The following USH2A variants were observed in gnomAD, a reference collection of about 807,000 sequenced individuals.
USH2A encodes Usher syndrome 2A (autosomal recessive, mild).
Under a neutral mutation model 538.9 loss-of-function variants are expected in USH2A, and 443 were observed. That is an observed-to-expected ratio of 0.82 (90% CI 0.76 to 0.89). The LOEUF (loss-of-function observed/expected upper bound fraction) is 0.89, where lower values mean the gene tolerates loss of function less well. Ranked by LOEUF, USH2A falls within the 40% of genes least tolerant of loss-of-function variation. The probability of loss-of-function intolerance (pLI) is 0.00; values close to 1 mark genes in which losing one functional copy is unlikely to be tolerated. For missense variants in USH2A, 6,633 were observed against 6,324.8 expected (o/e 1.05, Z -1.65); for synonymous variants, 2,413 against 2,273.5 (o/e 1.06, Z -1.75).
intron 21 of USH2A, among the ~76,000 whole-genome samples, chr1:216,145,305 G>A (rs1417335419): frequency 6.6e-6 from 1 of 152,158 alleles, no homozygotes; most frequent in African/African-American, 2.4e-5. Context: ...GTACAGCAAG[G>A]GCCAAGGTAC....
intron 55 of USH2A, among the ~76,000 whole-genome samples, chr1:215,777,793 T>A (rs554174225): frequency 6.6e-6 from 1 of 152,350 alleles, no homozygotes; most frequent in South Asian, 2.1e-4. Context: ...AGTGAATGCC[T>A]TGGATACGCT....
intron 30 of USH2A, among the ~76,000 whole-genome samples, chr1:216,050,604 C>CTTT (rs746265112): frequency 1.2e-4 from 8 of 68,562 alleles, no homozygotes; most frequent in East Asian, 5.2e-4. Flanking sequence ...TTCTTTCTTT[C>CTTT]TTTTTTTTTT....
chr1:215,911,496 A>G (rs1203823573), intron 38 of USH2A, among the ~76,000 whole-genome samples: 1 of 152,006 alleles, frequency 6.6e-6, no homozygotes, highest in Admixed American at 6.6e-5. Context: ...CTAATGTAAT[A>G]ATCTCCAGTT....
intron 32 of USH2A, among the ~76,000 whole-genome samples, chr1:216,029,990 C>CACAG (rs1558220335): frequency 1.2e-4 from 18 of 144,506 alleles, no homozygotes; most frequent in Non-Finnish European, 4.5e-5. Flanking sequence ...ATAGATATAT[C>CACAG]ATAGATATAT....
intron 44 of USH2A, among the ~76,000 whole-genome samples, chr1:215,864,327 TATAAA>T (rs1366236843): frequency 6.6e-6 from 1 of 152,186 alleles, no homozygotes; most frequent in Admixed American, 6.5e-5. Context: ...CTGAGGATTG[TATAAA>T]TAATTTAAGT....
intron 21 of USH2A, among the ~76,000 whole-genome samples, chr1:216,122,032 A>G (rs1471166278): frequency 6.6e-6 from 1 of 152,192 alleles, no homozygotes; most frequent in Non-Finnish European, 1.5e-5. Flanking sequence ...CACAAAAAGG[A>G]CCGCAAACAC....
rs532951268 is a variant in USH2A, at chr1:215,629,258, C to CTAA, written c.15298-226_15298-224dup. Among the ~76,000 whole-genome samples the CTAA allele has an allele frequency of 2.1e-4, 32 of 152,226 alleles. No homozygotes were observed. The South Asian group carries it at 6.6e-3, about 32-fold the overall frequency. On this transcript the variant is annotated intron_variant, in intron 70 of 71. Coordinates refer to ENST00000307340, the MANE Select transcript of USH2A (RefSeq NM_206933.4). Reference sequence around the variant, plus strand: ...TTGGTAAGAAGGATGAGATGATGAGCTAATACTCAAGTTAGGTGGCCAGTG... The same window carrying CTAA: ...TTGGTAAGAAGGATGAGATGATGAGCTAATAATACTCAAGTTAGGTGGCCAGTG...
chr1:216,094,798 TTG>T (rs755169969), intron 22 of USH2A, among the ~76,000 whole-genome samples: 26 of 152,184 alleles, frequency 1.7e-4, no homozygotes, highest in Non-Finnish European at 3.8e-4. Flanking sequence ...GCTCAATTGC[TTG>T]TGTTTATAAC....
chr1:215,703,548 C>T (rs543921954), intron 61 of USH2A, among the ~76,000 whole-genome samples: 18 of 152,280 alleles, frequency 1.2e-4, no homozygotes, highest in East Asian at 7.7e-4. Context: ...CTGGCTACAG[C>T]GGCTTTGCGG....
intron 3 of USH2A, among the ~76,000 whole-genome samples, chr1:216,375,916 GGAACAAGTCAGAAGAACA>G (rs1396735101): frequency 6.6e-6 from 1 of 152,044 alleles, no homozygotes; most frequent in East Asian, 1.9e-4. Context: ...CCAAGGAGAA[GGAACAAGTCAGAAGAACA>G]TTCTGTCGGT....
intron 32 of USH2A, among the ~76,000 whole-genome samples, chr1:216,008,344 A>C (rs917410327): frequency 6.6e-6 from 1 of 151,536 alleles, no homozygotes; most frequent in African/African-American, 2.4e-5. Flanking sequence ...CCCACTGAGT[A>C]CCTTGTGACC....
intron 2 of USH2A, among the ~76,000 whole-genome samples, chr1:216,421,245 T>G (rs1005529092): frequency 1.3e-5 from 2 of 152,140 alleles, no homozygotes; most frequent in African/African-American, 4.8e-5. Context: ...CACACTTACC[T>G]ACATATTTCC....
intron 4 of USH2A, among the ~76,000 whole-genome samples, chr1:216,336,639 C>A (rs2102672400): frequency 6.6e-6 from 1 of 151,494 alleles, no homozygotes; most frequent in East Asian, 1.9e-4. Context: ...TGTATTTTAA[C>A]TAAGTGGCAA....
In USH2A at chr1:215,630,526, AT is replaced by A. The variant is rs1189307103; in HGVS notation, c.15298-1492del. Among the ~76,000 whole-genome samples, 831 of 122,080 alleles carry A rather than the reference AT, an allele frequency of 6.8e-3. 5 individuals carry two copies. Among genetic ancestry groups the A allele is most frequent in the African/African-American group, 0.026 (737 of 28,524 alleles). 80.1% of individuals were successfully genotyped at this position (122,080 alleles called of 152,430 possible). A position where few individuals can be genotyped will look rare whatever the true frequency, so the allele number is the denominator to read the frequency against. ...TATATATATATATATATATATATAT[AT>A]GAGAGAGAGAAAGTTGGGTTTTGCA... On this transcript the variant is annotated intron_variant, in intron 70 of 71. Transcript: ENST00000307340.
chr1:216,009,760 C>A lies in USH2A; in HGVS notation c.6326-9198G>T, dbSNP rs1668498687. ...CCTCCACCCTATAATCCTTTTATCA[C>A]CTCCCCTCCTTACACCCAGTCCGGC... is the stretch of plus-strand genomic sequence containing the variant. On this transcript the variant is annotated intron_variant, in intron 32 of 71. Coordinates refer to ENST00000307340, the MANE Select transcript of USH2A (RefSeq NM_206933.4). Among the ~76,000 whole-genome samples the A allele has an allele frequency of 2.0e-5, 3 of 152,152 alleles. No individual in the cohort carries two copies. The South Asian group carries it at 6.2e-4, about 32-fold the overall frequency.
chr1:216,014,776 T>C (rs1315807329), intron 32 of USH2A, among the ~76,000 whole-genome samples: 2 of 152,352 alleles, frequency 1.3e-5, no homozygotes, highest in East Asian at 3.9e-4. Context: ...ATGGAAACCT[T>C]ACCGATTACT....
intron 15 of USH2A, among the ~76,000 whole-genome samples, chr1:216,210,607 C>T (rs886901871): frequency 6.6e-6 from 1 of 152,140 alleles, no homozygotes; most frequent in Non-Finnish European, 1.5e-5. Flanking sequence ...CTGCGTTCAT[C>T]CTCCTTCATT....
intron 38 of USH2A, among the ~76,000 whole-genome samples, chr1:215,929,422 C>G (rs1339984540): frequency 6.6e-6 from 1 of 152,002 alleles, no homozygotes; most frequent in African/African-American, 2.4e-5. Flanking sequence ...GCATCACAAC[C>G]ACCCCTTAGC....
intron 38 of USH2A, among the ~76,000 whole-genome samples, chr1:215,921,041 A>T (rs192769209): frequency 2.6e-5 from 4 of 152,046 alleles, no homozygotes; most frequent in Non-Finnish European, 4.4e-5. Flanking sequence ...GAAGAAAAAG[A>T]TTCTTTCTTT....
Sources: gnomAD v4.1 joint callset for allele counts (sites outside exome capture counted in the v4.1 genomes callset) on GRCh38, gnomAD v4.1.1 for gene constraint, MANE v1.5 for transcripts, NCBI Gene and HGNC (gene_info 2026-07-23, HGNC 2026-07-21) for gene names.